TSC22D3: variants seen among roughly 807,000 people sequenced by gnomAD.
TSC22D3 encodes TSC22 domain family protein 3.
In TSC22D3, 4 loss-of-function variants were observed where a neutral mutation model predicts 11.1. The ratio of observed to expected loss-of-function variants is 0.36; its 90% CI spans 0.18 to 0.83. The LOEUF is 0.83. TSC22D3 is among the 40% of genes least tolerant of loss of function. TSC22D3 has a pLI of 0.48. For synonymous variants in TSC22D3, 77 were observed against 70.3 expected, an observed-to-expected ratio of 1.10 and a Z score of -0.48; for missense variants, 118 against 159.4, an observed-to-expected ratio of 0.74 and a Z score of 1.40.
chrX:107,757,746 G>A (rs781442521), intron 1 of TSC22D3, among the ~76,000 whole-genome samples: 6 of 108,657 alleles, frequency 5.5e-5, no homozygotes, highest in South Asian at 4.0e-4. Flanking sequence ...CCCCTAAGGC[G>A]CCAAGGAGGA....
intron 1 of TSC22D3, among the ~76,000 whole-genome samples, chrX:107,771,939 C>T (rs1213710440): frequency 8.9e-6 from 1 of 112,501 alleles, no homozygotes; most frequent in Non-Finnish European, 1.9e-5. Context: ...GATTTTCTAG[C>T]ACAGTATAAA....
intron 1 of TSC22D3, among the ~76,000 whole-genome samples, chrX:107,717,871 C>T (rs185790738): frequency 8.9e-6 from 1 of 112,181 alleles, no homozygotes; most frequent in East Asian, 2.8e-4. Flanking sequence ...CTTTAGTCTC[C>T]ACATTCTACT....
chrX:107,774,203 GTT>G (rs1930030964), intron 1 of TSC22D3, among the ~76,000 whole-genome samples: 1 of 112,059 alleles, frequency 8.9e-6, no homozygotes, highest in African/African-American at 3.2e-5. Context: ...CCATGGCTGG[GTT>G]TCCTGATGTT....
intron 1 of TSC22D3, among the ~76,000 whole-genome samples, chrX:107,725,537 G>T (rs775529943): frequency 8.9e-6 from 1 of 112,108 alleles, no homozygotes; most frequent in South Asian, 3.7e-4. Context: ...GGTGCCAGGG[G>T]CACTGAGACC....
At chrX:107,723,169 G>A (rs1210065539) in intron 1 of TSC22D3, among the ~76,000 whole-genome samples, 1 of 111,211 alleles carries the variant, frequency 9.0e-6, no homozygotes, top group Non-Finnish European at 1.9e-5. Context: ...CTCAACTGGT[G>A]CCCACCTAGA....
intron 1 of TSC22D3, among the ~76,000 whole-genome samples, chrX:107,759,581 C>T (rs908002084): frequency 7.1e-5 from 8 of 112,355 alleles, no homozygotes; most frequent in Non-Finnish European, 1.3e-4. Flanking sequence ...TCTACCACCT[C>T]GAGCTGTAGC....
At chrX:107,744,863 G>A (rs1928582684) in intron 1 of TSC22D3, among the ~76,000 whole-genome samples, 1 of 111,898 alleles carries the variant, frequency 8.9e-6, no homozygotes, top group Admixed American at 9.5e-5. Flanking sequence ...CTGAAGGGTG[G>A]GAAGCAGGCT....
At chrX:107,738,729 G>A (rs1928258113) in intron 1 of TSC22D3, among the ~76,000 whole-genome samples, 1 of 113,213 alleles carries the variant, frequency 8.8e-6, no homozygotes, top group African/African-American at 3.2e-5. Flanking sequence ...GACCAGCAGA[G>A]CTGAGTCCTT....
At chrX:107,774,799 T>G in intron 1 of TSC22D3, 1 of 357,646 alleles carries the variant, frequency 2.8e-6, no homozygotes. Flanking sequence ...AATGTATGCA[T>G]TTGAGGAGCG....
intron 1 of TSC22D3, among the ~76,000 whole-genome samples, chrX:107,733,658 G>A (rs1241117047): frequency 1.8e-5 from 2 of 111,395 alleles, no homozygotes; most frequent in Non-Finnish European, 3.8e-5. Context: ...GAATGAACCC[G>A]TTTTCCCAGC....
intron 1 of TSC22D3, among the ~76,000 whole-genome samples, chrX:107,746,231 A>AAAGG (rs1163205104): frequency 1.8e-5 from 2 of 111,505 alleles, no homozygotes; most frequent in African/African-American, 6.5e-5. Context: ...TGAAACAGAG[A>AAAGG]AAGGAGGGAC....
chrX:107,723,798 G>T lies in TSC22D3; in HGVS notation c.321-7848C>A, dbSNP rs186184790. Reference sequence around the variant, plus strand: ...TGAGTAGCATGTGAAGGACTTGGGGGCTATTGGCAATGCTTGGAAGACAGC... The same window carrying T: ...TGAGTAGCATGTGAAGGACTTGGGGTCTATTGGCAATGCTTGGAAGACAGC... On this transcript the variant is annotated intron_variant, in intron 1 of 2. Coordinates refer to ENST00000372383, the MANE Select transcript of TSC22D3 (RefSeq NM_198057.3). 1.4e-4 allele frequency among the ~76,000 whole-genome samples: 16 copies of T among 112,596 alleles called. No homozygotes were observed. The East Asian group carries it at 4.5e-3, about 31-fold the overall frequency.
intron 1 of TSC22D3, among the ~76,000 whole-genome samples, chrX:107,742,546 G>A (rs1412714357): frequency 9.0e-6 from 1 of 110,941 alleles, no homozygotes; most frequent in Non-Finnish European, 1.9e-5. Flanking sequence ...GGAAATAGAG[G>A]GAGTCCCCAT....
intron 1 of TSC22D3, among the ~76,000 whole-genome samples, chrX:107,773,672 G>T (rs1230152794): frequency 8.9e-6 from 1 of 111,908 alleles, no homozygotes; most frequent in Non-Finnish European, 1.9e-5. Flanking sequence ...ATGAGAAAGG[G>T]CTTCAATGGT....
intron 1 of TSC22D3, among the ~76,000 whole-genome samples, chrX:107,725,189 C>T (rs1303014377): frequency 8.9e-6 from 1 of 112,427 alleles, no homozygotes; most frequent in Non-Finnish European, 1.9e-5. Flanking sequence ...GGGAAGGTGC[C>T]ATATTCAACA....
chrX:107,754,719 C>T (rs1223720219), intron 1 of TSC22D3, among the ~76,000 whole-genome samples: 1 of 112,267 alleles, frequency 8.9e-6, no homozygotes, highest in South Asian at 3.7e-4. Flanking sequence ...TCATTGGCCA[C>T]TAATGAAATC....
intron 1 of TSC22D3, among the ~76,000 whole-genome samples, chrX:107,771,635 T>G (rs2147795877): frequency 8.9e-6 from 1 of 112,478 alleles, no homozygotes; most frequent in East Asian, 2.8e-4. Context: ...TTCCAAAGAG[T>G]TGATGTAAAT....
At chrX:107,768,797 T>C (rs1929778450) in intron 1 of TSC22D3, among the ~76,000 whole-genome samples, 1 of 112,867 alleles carries the variant, frequency 8.9e-6, no homozygotes, top group South Asian at 3.6e-4. Context: ...CAAGTAATGG[T>C]GTCACATGTT....
chrX:107,732,913 C>T (rs1269252233), intron 1 of TSC22D3, among the ~76,000 whole-genome samples: 3 of 110,306 alleles, frequency 2.7e-5, no homozygotes, highest in Non-Finnish European at 5.7e-5. Context: ...GCCTGGGCAA[C>T]ATGACGAAAC....
Sources: allele counts gnomAD v4.1 joint callset (sites outside exome capture counted in the v4.1 genomes callset), GRCh38; gene constraint gnomAD v4.1.1; transcripts MANE v1.5; gene names NCBI Gene and HGNC (gene_info 2026-07-23, HGNC 2026-07-21).